KIR2DL1: variants seen among roughly 807,000 people sequenced by gnomAD.
The protein encoded by KIR2DL1 is killer cell immunoglobulin-like receptor 2DL1.
In KIR2DL1, 38 loss-of-function variants were observed where a neutral mutation model predicts 33.9. The observed-to-expected ratio is 1.12, with a 90% CI of 0.86 to 1.47. The LOEUF (loss-of-function observed/expected upper bound fraction) is 1.47, where lower values mean the gene tolerates loss of function less well. Among genes scored for constraint, KIR2DL1 ranks in the 40% most tolerant of loss-of-function variants. The pLI, the probability that KIR2DL1 is intolerant of heterozygous loss-of-function variation, is 0.00. For missense variants in KIR2DL1, 531 were observed against 433.9 expected, an observed-to-expected ratio of 1.22 and a Z score of -1.99; for synonymous variants, 179 against 165.9, an observed-to-expected ratio of 1.08 and a Z score of -0.61.
At chr19:54,773,692 A>T (rs34434532) in intron 3 of KIR2DL1, 60 bp downstream of exon 3, 2 of 1,443,540 alleles carry the variant, frequency 1.4e-6, no homozygotes, top group African/African-American at 2.9e-5. Flanking sequence ...TGATCCAGGA[A>T]TTGGAGACCC....
In KIR2DL1 at chr19:54,783,023, A is replaced by T. The variant is rs1226314887; in HGVS notation, c.817A>T (p.Asn273Tyr). 2 of 1,613,172 alleles carry T rather than the reference A, an allele frequency of 1.2e-6. No homozygotes were observed. Among genetic ancestry groups the T allele is most frequent in the Non-Finnish European group, 8.5e-7 (1 of 1,179,624 alleles). Residue 273 changes from asparagine to tyrosine, a missense_variant and splice_region_variant, in exon 6 of 8, where the codon AAT (asparagine) becomes TAT (tyrosine). Physicochemically the swap from Asn to Tyr is moderately radical, Grantham distance 143 (BLOSUM62 -2). Transcript: ENST00000336077. ...TCATCGCTGGTGCTCCAACAAAAAA[A>T]GTAAGTCTCACGAAGCAGAGGCCAG... ...LLHRWCSNKK[N>Y]AAVMDQESAG...
In KIR2DL1 at chr19:54,780,403, G is replaced by T. The variant is rs77056108; in HGVS notation, c.715+1741G>T. On this transcript the variant is annotated intron_variant, in intron 5 of 7. Transcript: ENST00000336077. ...ATCTGATGTGGAAGGAAGAGGCTCTGACTCAAATGCTGGGAATGAGGTGGG... is the reference window on the plus strand; with the variant it reads ...ATCTGATGTGGAAGGAAGAGGCTCTTACTCAAATGCTGGGAATGAGGTGGG... 9.4e-3 allele frequency among the ~76,000 whole-genome samples: 1,141 copies of T among 121,040 alleles called. 3 individuals carry two copies. Among genetic ancestry groups the T allele is most frequent in the African/African-American group, 0.031 (958 of 31,296 alleles). 79.4% of individuals were successfully genotyped at this position (121,040 alleles called of 152,430 possible).
At position 54,783,466 on chromosome 19, in the gene KIR2DL1, T is replaced by G; in HGVS notation, c.818-20T>G. 6.2e-7 allele frequency: 1 copy of G among 1,611,900 alleles called. No homozygotes were observed. Among genetic ancestry groups the G allele is most frequent in the South Asian group, 1.1e-5 (1 of 91,000 alleles). On this transcript the variant is annotated intron_variant, in intron 6 of 7. Transcript: ENST00000336077. ...CAGAAGTGCCCTCCGAGCTGTTTTG[T>G]TGACTTCCATCTTCTACAGATGCTG...
intron 1 of KIR2DL1, among the ~76,000 whole-genome samples, chr19:54,770,629 G>A (rs1255023194): frequency 2.0e-5 from 3 of 147,220 alleles, no homozygotes; most frequent in Non-Finnish European, 4.6e-5. Flanking sequence ...TGGAGATATG[G>A]GCCTGGAGTG....
intron 5 of KIR2DL1, among the ~76,000 whole-genome samples, chr19:54,782,352 G>C (rs28430480): frequency 1.3e-5 from 2 of 151,920 alleles, no homozygotes; most frequent in African/African-American, 4.8e-5. Flanking sequence ...AAAGAGATTG[G>C]TTTGCCTCAC....
chr19:54,777,043 C>T (rs201817108), intron 4 of KIR2DL1, among the ~76,000 whole-genome samples: 7,129 of 128,416 alleles, frequency 0.056, no homozygotes, highest in South Asian at 0.075. Context: ...TCTCTACCAC[C>T]TTGCCAGCAT....
At chr19:54,775,516 C>A in intron 4 of KIR2DL1, 58 bp downstream of exon 4, 1 of 1,489,650 alleles carries the variant, frequency 6.7e-7, no homozygotes, top group Non-Finnish European at 9.2e-7. Context: ...AGCTGAGGAG[C>A]TTCCTGCTGA....
intron 2 of KIR2DL1, among the ~76,000 whole-genome samples, chr19:54,771,471 A>G (rs1404748600): frequency 1.4e-5 from 2 of 147,188 alleles, no homozygotes; most frequent in Non-Finnish European, 1.5e-5. Flanking sequence ...TGTTTGCGGG[A>G]TGGGTCCTTC....
rs2076601409 is a variant in KIR2DL1, at chr19:54,778,481, A to G, written c.665-131A>G. 7.4e-6 allele frequency: 7 copies of G among 948,172 alleles called. No homozygotes were observed. The South Asian group carries it at 1.1e-4, about 15-fold the overall frequency. 58.7% of individuals were successfully genotyped at this position (948,172 alleles called of 1,614,324 possible). A position where few individuals can be genotyped will look rare whatever the true frequency, so the allele number is the denominator to read the frequency against. On this transcript the variant is annotated intron_variant, in intron 4 of 7. Coordinates refer to ENST00000336077, the MANE Select transcript of KIR2DL1 (RefSeq NM_014218.3). Reference sequence around the variant, plus strand: ...GTGTCATATAAAAAAATTATGGAAAAAAGGATCCCAGGACTCCCAGGGCTC... The same window carrying G: ...GTGTCATATAAAAAAATTATGGAAAGAAGGATCCCAGGACTCCCAGGGCTC...
chr19:54,771,952 G>A (rs547535857), intron 2 of KIR2DL1, among the ~76,000 whole-genome samples: 1 of 147,934 alleles, frequency 6.8e-6, no homozygotes, highest in Non-Finnish European at 1.5e-5. Flanking sequence ...CAGAGCTCCT[G>A]GTGGGCGTGT....
At chr19:54,780,729 T>G (rs1382459177) in intron 5 of KIR2DL1, among the ~76,000 whole-genome samples, 1 of 137,508 alleles carries the variant, frequency 7.3e-6, no homozygotes, top group Non-Finnish European at 1.6e-5. Flanking sequence ...AATCATTGAC[T>G]GGAAAGGCTT....
chr19:54,773,892 T>A (rs2076046260), intron 3 of KIR2DL1, among the ~76,000 whole-genome samples: 1 of 148,444 alleles, frequency 6.7e-6, no homozygotes, highest in Admixed American at 6.8e-5. Flanking sequence ...CAGACAGACA[T>A]GTCCCAGAGA....
intron 4 of KIR2DL1, among the ~76,000 whole-genome samples, chr19:54,776,536 C>A (rs1250042308): frequency 6.8e-6 from 1 of 147,130 alleles, no homozygotes; most frequent in Non-Finnish European, 1.5e-5. Context: ...AACAGTGCTG[C>A]ACCAATCATA....
Position 54,772,691 on chromosome 19 carries a change from G to C in KIR2DL1, c.71-642G>C, listed in dbSNP as rs748147887. 4.6e-4 allele frequency among the ~76,000 whole-genome samples: 67 copies of C among 144,242 alleles called. 7 individuals carry two copies. The highest frequency in any genetic ancestry group is 8.8e-4 in the Non-Finnish European group (57 of 64,960). The allele number at this position is 144,242 out of a possible 152,430, so 94.6% of individuals were successfully genotyped here. On this transcript the variant is annotated intron_variant, in intron 2 of 7. Transcript: ENST00000336077. Reference sequence around the variant, plus strand: ...ACTTCACTCCAGCCTGGGCAAAGGAGTGAGACTCTGTCGCCAAAATTAATT... The same window carrying C: ...ACTTCACTCCAGCCTGGGCAAAGGACTGAGACTCTGTCGCCAAAATTAATT...
At chr19:54,779,845 A>T (rs1398899782) in intron 5 of KIR2DL1, among the ~76,000 whole-genome samples, 1 of 138,490 alleles carries the variant, frequency 7.2e-6, no homozygotes. Context: ...GCACAAGTGG[A>T]TCTATAAATG....
Position 54,784,014 on chromosome 19 carries a change from G to A in KIR2DL1, c.*201G>A, listed in dbSNP as rs1360053990. The A allele has an allele frequency of 1.1e-5, 9 of 850,874 alleles. No homozygotes were observed. The highest frequency in any genetic ancestry group is 1.6e-5 in the South Asian group (1 of 63,064). The allele number at this position is 850,874 out of a possible 1,614,324, so 52.7% of individuals were successfully genotyped here. On this transcript the variant is annotated 3_prime_UTR_variant, in exon 8 of 8. Coordinates refer to ENST00000336077, the MANE Select transcript of KIR2DL1 (RefSeq NM_014218.3). ...TCTAAGGTCCCCACTGCCTGCTGGA[G>A]AAAAAACACACTCCTTTGCTTAACC...
chr19:54,783,711 C>A lies in KIR2DL1; in HGVS notation c.945C>A (p.Ile315=). 2 of 1,614,022 alleles carry A rather than the reference C, an allele frequency of 1.2e-6. No homozygotes were observed. The highest frequency in any genetic ancestry group is 1.7e-6 in the Non-Finnish European group (2 of 1,179,960). ...LNHCVFTQRK[I]TRPSQRPKTP... Reference sequence around the variant, plus strand: ...ACTGCGTTTTCACACAGAGAAAAATCACTCGCCCTTCTCAGAGGCCCAAGA... The same window carrying A: ...ACTGCGTTTTCACACAGAGAAAAATAACTCGCCCTTCTCAGAGGCCCAAGA... Residue 315 remains isoleucine (I), a synonymous_variant, in exon 8 of 8, where the codon ATC becomes ATA. Coordinates refer to ENST00000336077, the MANE Select transcript of KIR2DL1 (RefSeq NM_014218.3).
intron 5 of KIR2DL1, 65 bp from the exon 6 acceptor site, chr19:54,782,857 G>A (rs2077170916): frequency 1.3e-6 from 2 of 1,553,446 alleles, no homozygotes; most frequent in Admixed American, 1.7e-5. Flanking sequence ...ATCAAGAAAT[G>A]CGAGACAATT....
In KIR2DL1 at chr19:54,772,347, G is replaced by T. The variant is rs540970703; in HGVS notation, c.71-986G>T. On this transcript the variant is annotated intron_variant, in intron 2 of 7. Transcript: ENST00000336077. ...GCCTATAGAGGCTGGAAAAGTCAAGGAACTGATTCTCCTGAGTCTCCAGAG... is the reference window on the plus strand; with the variant it reads ...GCCTATAGAGGCTGGAAAAGTCAAGTAACTGATTCTCCTGAGTCTCCAGAG... Among the ~76,000 whole-genome samples, 511 of 147,622 alleles carry T rather than the reference G, an allele frequency of 3.5e-3. 10 individuals carry two copies. The highest frequency in any genetic ancestry group is 0.012 in the African/African-American group (491 of 40,412).
Sources: allele counts gnomAD v4.1 joint callset (sites outside exome capture counted in the v4.1 genomes callset), GRCh38; gene constraint gnomAD v4.1.1; transcripts MANE v1.5; gene names NCBI Gene and HGNC (gene_info 2026-07-23, HGNC 2026-07-21).